AVEN: variants seen among roughly 807,000 people sequenced by gnomAD.
The protein encoded by AVEN is cell death regulator Aven.
In AVEN, 41 loss-of-function variants were observed where a neutral mutation model predicts 38.1. That is an observed-to-expected ratio of 1.08 (90% confidence interval 0.84 to 1.40). AVEN has a LOEUF of 1.40. Ranked by LOEUF, AVEN falls within the 40% of genes most tolerant of loss-of-function variation. The probability of loss-of-function intolerance (pLI) is 0.00; values close to 1 mark genes in which losing one functional copy is unlikely to be tolerated. For synonymous variants in AVEN, 206 were observed against 171.8 expected, an observed-to-expected ratio of 1.20 and a Z score of -1.56; for missense variants, 605 against 438.8, an observed-to-expected ratio of 1.38 and a Z score of -3.38.
chr15:34,061,334 T>G (rs903033583), intron 5 of AVEN, among the ~76,000 whole-genome samples: 2 of 152,228 alleles, frequency 1.3e-5, no homozygotes, highest in Non-Finnish European at 2.9e-5. Flanking sequence ...TAATTAAATA[T>G]AGTACATCCA....
Position 34,063,549 on chromosome 15 carries a change from A to C in AVEN, n.1127-117T>G, listed in dbSNP as rs1555521392. 3.1e-6 allele frequency: 5 copies of C among 1,613,272 alleles called. No homozygotes were observed. The Admixed American group carries it at 8.3e-5, about 27-fold the overall frequency. On this transcript the variant is annotated intron_variant and non_coding_transcript_variant, in intron 4 of 11. Transcript: ENST00000675287. The surrounding 1 kb of genome is among the most constrained non-coding windows in gnomAD (Gnocchi z 4.1). ...CTCCTGGTCATCCTCCCGCAGGAGCACCTCCACCACTGGGAAGCCATCCCA... is the reference window on the plus strand; with the variant it reads ...CTCCTGGTCATCCTCCCGCAGGAGCCCCTCCACCACTGGGAAGCCATCCCA...
At chr15:33,863,542 G>A (rs1051727009), downstream of AVEN, among the ~76,000 whole-genome samples, 3 of 152,168 alleles carry the variant, frequency 2.0e-5, no homozygotes, top group Non-Finnish European at 2.9e-5. Flanking sequence ...TGTGAGCTGA[G>A]AGTTCAGCCC....
At chr15:33,974,711 G>A (rs1467366235) in intron 2 of AVEN, among the ~76,000 whole-genome samples, 1 of 152,142 alleles carries the variant, frequency 6.6e-6, no homozygotes, top group African/African-American at 2.4e-5. Flanking sequence ...AGTGGCTCAC[G>A]CCTGTAATCC....
chr15:34,042,202 C>A (rs867283738), upstream of AVEN, among the ~76,000 whole-genome samples: 8 of 152,086 alleles, frequency 5.3e-5, no homozygotes, highest in Non-Finnish European at 7.4e-5. Context: ...GGGAAGGAAT[C>A]TTTTCTGGTA....
downstream of AVEN, among the ~76,000 whole-genome samples, chr15:33,857,157 G>A (rs984584625): frequency 9.2e-5 from 14 of 152,104 alleles, no homozygotes; most frequent in Admixed American, 2.0e-4. Context: ...CTGCCAGAAC[G>A]AAGTACTACA....
At chr15:33,904,694 A>ATATATATATAT (rs1555505832) in intron 2 of AVEN, among the ~76,000 whole-genome samples, 2 of 112,746 alleles carry the variant, frequency 1.8e-5, no homozygotes, top group African/African-American at 5.8e-5. Flanking sequence ...AAAAAAAAAA[A>ATATATATATAT]ATATATATAT....
At chr15:33,992,243 A>G (rs751341578) in intron 2 of AVEN, among the ~76,000 whole-genome samples, 3 of 152,198 alleles carry the variant, frequency 2.0e-5, no homozygotes, top group Non-Finnish European at 2.9e-5. Flanking sequence ...CAAAACAGTT[A>G]GCTGGGCGTG....
chr15:33,937,477 G>A (rs1017896879), intron 2 of AVEN, among the ~76,000 whole-genome samples: 4 of 151,434 alleles, frequency 2.6e-5, no homozygotes, highest in African/African-American at 7.3e-5. Context: ...AGCTTGCAGT[G>A]AGCCGAGATC....
At chr15:34,020,433 A>G (rs1490427852) in intron 1 of AVEN, among the ~76,000 whole-genome samples, 2 of 152,232 alleles carry the variant, frequency 1.3e-5, no homozygotes, top group Non-Finnish European at 2.9e-5. Context: ...GCAAATTAGA[A>G]ATTTGGTTGA....
chr15:33,867,408 G>A, intron 5 of AVEN, 87 bp downstream of exon 5: 3 of 1,480,568 alleles, frequency 2.0e-6, no homozygotes, highest in South Asian at 1.4e-5. Flanking sequence ...GACACCCAGA[G>A]GGATGTGTGC....
At chr15:33,943,012 G>C (rs543283660) in intron 2 of AVEN, among the ~76,000 whole-genome samples, 1 of 152,242 alleles carries the variant, frequency 6.6e-6, no homozygotes, top group East Asian at 1.9e-4. Context: ...CTGTTACTGG[G>C]GCTGTAAAAT....
intron 3 of AVEN, among the ~76,000 whole-genome samples, chr15:33,872,333 G>C (rs1344042701): frequency 6.6e-6 from 1 of 152,170 alleles, no homozygotes; most frequent in Non-Finnish European, 1.5e-5. Context: ...ACACTCTTTA[G>C]TAAGAAAAGA....
chr15:33,864,293 C>A, downstream of AVEN: 2 of 839,332 alleles, frequency 2.4e-6, no homozygotes, highest in South Asian at 1.7e-5. Flanking sequence ...CCCCATTAAT[C>A]CCGTGAATGC....
chr15:33,978,927 G>A (rs1337837295), intron 2 of AVEN, among the ~76,000 whole-genome samples: 2 of 46,972 alleles, frequency 4.3e-5, no homozygotes, highest in Admixed American at 3.4e-4. Context: ...GTATGTCCAT[G>A]CCAGGCAAAA....
intron 5 of AVEN, among the ~76,000 whole-genome samples, chr15:34,049,453 G>T (rs117661152): frequency 6.6e-6 from 1 of 152,078 alleles, no homozygotes; most frequent in Non-Finnish European, 1.5e-5. Flanking sequence ...AAAAAGAATC[G>T]CAGAGTTTGA....
chr15:34,031,473 A>C (rs2684935), intron 1 of AVEN, among the ~76,000 whole-genome samples: 148,561 of 152,270 alleles, frequency 0.98, 72,581 homozygotes, highest in East Asian at 1. Flanking sequence ...CCATGCCCAG[A>C]CTGCTTAGGT....
chr15:33,959,641 C>A (rs939242285), intron 2 of AVEN, among the ~76,000 whole-genome samples: 1 of 152,116 alleles, frequency 6.6e-6, no homozygotes, highest in Non-Finnish European at 1.5e-5. Flanking sequence ...GAATAAGCAA[C>A]AAGAAAGGTC....
chr15:33,970,550 G>C (rs1224135232), intron 2 of AVEN, among the ~76,000 whole-genome samples: 3 of 151,668 alleles, frequency 2.0e-5, no homozygotes, highest in Non-Finnish European at 2.9e-5. Context: ...AACCCTTAAG[G>C]GTTCTTTTCA....
rs138017700 is a variant in AVEN, at chr15:34,003,721, C to A, written c.268-512G>T. Among the ~76,000 whole-genome samples, 80 of 152,276 alleles carry A rather than the reference C, an allele frequency of 5.3e-4. 1 individual carries two copies. The highest frequency in any genetic ancestry group is 1.1e-3 in the Non-Finnish European group (74 of 68,016). ...AAACACTATTACATATAGTGAGGGA[C>A]AATGACTTGTGAAATGGAGTGTGAA... On this transcript the variant is annotated intron_variant, in intron 1 of 5. Coordinates refer to ENST00000306730, the MANE Select transcript of AVEN (RefSeq NM_020371.3).
Sources: allele counts gnomAD v4.1 joint callset (sites outside exome capture counted in the v4.1 genomes callset), GRCh38; gene constraint gnomAD v4.1.1; non-coding constraint Gnocchi (gnomAD v3.1); transcripts MANE v1.5; gene names NCBI Gene and HGNC (gene_info 2026-07-23, HGNC 2026-07-21).